Variants in LRFN3 observed in about 807,000 individuals in gnomAD.
LRFN3 encodes leucine rich repeat and fibronectin type III domain containing 3.
LRFN3 carries 8 observed loss-of-function variants against 23.8 expected under a neutral mutation model. The observed-to-expected ratio is 0.34, with a 90% CI of 0.20 to 0.61. The LOEUF (loss-of-function observed/expected upper bound fraction) is 0.61, where lower values mean the gene tolerates loss of function less well. Among genes scored for constraint, LRFN3 ranks in the 20% least tolerant of loss-of-function variants. The probability of loss-of-function intolerance (pLI) is 0.80; values close to 1 mark genes in which losing one functional copy is unlikely to be tolerated. For missense variants in LRFN3, 736 were observed against 935.3 expected (o/e 0.79, Z 2.78); for synonymous variants, 451 against 450.6 (o/e 1.00, Z -0.01).
chr19:35,941,095 A>T (rs1423306549), intron 2 of LRFN3, among the ~76,000 whole-genome samples: 1 of 152,262 alleles, frequency 6.6e-6, no homozygotes, highest in East Asian at 1.9e-4. Context: ...GAGACAGCAA[A>T]TGTTAAAATA....
chr19:35,944,601 G>A lies in LRFN3; in HGVS notation c.1469G>A (p.Arg490Gln). Residue 490 changes from arginine (R) to glutamine (Q), a missense_variant, in exon 3 of 3, where the codon CGG becomes CAG. Physicochemically the swap from Arg to Gln is conservative, Grantham distance 43 (BLOSUM62 1). Around this residue, in one of 2 missense-constraint regions of LRFN3, gnomAD observed 290 missense variants for 287.4 expected, o/e 1.01. Coordinates refer to ENST00000246529, the MANE Select transcript of LRFN3 (RefSeq NM_024509.2). This position sits in a 1 kb window ranked among gnomAD's most constrained non-coding sequence, Gnocchi z 4.5. Reference protein sequence around the residue: ...SFLLTDLASGRTYDLCVLAVY... With the variant: ...SFLLTDLASGQTYDLCVLAVY... ...CTGCTGACGGACCTGGCGTCAGGCC[G>A]GACCTACGATCTGTGCGTGCTCGCC... 1.3e-6 allele frequency: 2 copies of A among 1,502,202 alleles called. No individual in the cohort carries two copies. Among genetic ancestry groups the A allele is most frequent in the Admixed American group, 2.2e-5 (1 of 46,244 alleles). 93.1% of individuals were successfully genotyped at this position (1,502,202 alleles called of 1,614,324 possible).
chr19:35,937,031 G>A lies in LRFN3; in HGVS notation c.-541G>A, dbSNP rs1976065329. 1 of 152,210 alleles carries A rather than the reference G, an allele frequency of 6.6e-6. No individual in the cohort carries two copies. Among genetic ancestry groups the A allele is most frequent in the Admixed American group, 6.6e-5 (1 of 15,260 alleles). The allele number at this position is 152,210 out of a possible 1,614,324, so 9.4% of individuals were successfully genotyped here. A position where few individuals can be genotyped will look rare whatever the true frequency, so the allele number is the denominator to read the frequency against. On this transcript the variant is annotated 5_prime_UTR_variant, in exon 1 of 3. Transcript: ENST00000246529. ...CCTGGGACCTTGAAATCTGGGACTG[G>A]ATTTCCAGTACTGTACCCTGGAACC...
rs374263660 is a variant in LRFN3 at position 35,944,757 on chromosome 19, C to T, written c.1625C>T (p.Ala542Val). 2.5e-6 allele frequency: 4 copies of T among 1,609,370 alleles called. No homozygotes were observed. The highest frequency in any genetic ancestry group is 2.7e-5 in the African/African-American group (2 of 74,746). The change falls in exon 3 of 3, where the codon GCG becomes GTG. Residue 542 changes from alanine to valine, a missense_variant. By Grantham distance (64) the Ala-to-Val change is moderately conservative. Around this residue, in one of 2 missense-constraint regions of LRFN3, gnomAD observed 290 missense variants for 287.4 expected, o/e 1.01. Transcript: ENST00000246529. The surrounding 1 kb of genome is among the most constrained non-coding windows in gnomAD (Gnocchi z 4.5). The stretch of plus-strand genomic sequence containing the variant: ...TTCCTGGGCGGCACGATGATCATCG[C>T]GCTGGGCGGCGTCATCGTAGCCTCG... ...APFLGGTMII[A>V]LGGVIVASVL...
chr19:35,945,358 G>A lies in LRFN3; in HGVS notation c.*339G>A, dbSNP rs912349794. ...TCCATTCAGACAATAGATGTTCCCT[G>A]CGTGTCGGCTCTGAGCATGCCCTGG... On this transcript the variant is annotated 3_prime_UTR_variant, in exon 3 of 3. Coordinates refer to ENST00000246529, the MANE Select transcript of LRFN3 (RefSeq NM_024509.2). 1 of 226,356 alleles carries A rather than the reference G, an allele frequency of 4.4e-6. No homozygotes were observed. The highest frequency in any genetic ancestry group is 2.3e-5 in the African/African-American group (1 of 43,730). The allele number at this position is 226,356 out of a possible 1,614,324, so 14.0% of individuals were successfully genotyped here. A position where few individuals can be genotyped will look rare whatever the true frequency, so the allele number is the denominator to read the frequency against.
In LRFN3 at chr19:35,945,034, C is replaced by T. The variant is rs757142430; in HGVS notation, c.*15C>T. On this transcript the variant is annotated 3_prime_UTR_variant, in exon 3 of 3. Coordinates refer to ENST00000246529, the MANE Select transcript of LRFN3 (RefSeq NM_024509.2). Reference sequence around the variant, plus strand: ...TGGGACCCTAGCCAGGCGCCCCCCCCTCTAAGGGTCCTCTGGCCCCACGGA... The same window carrying T: ...TGGGACCCTAGCCAGGCGCCCCCCCTTCTAAGGGTCCTCTGGCCCCACGGA... The T allele has an allele frequency of 1.2e-5, 16 of 1,339,458 alleles. No individual in the cohort carries two copies. Among genetic ancestry groups the T allele is most frequent in the African/African-American group, 4.7e-5 (3 of 63,592 alleles). 83.0% of individuals were successfully genotyped at this position (1,339,458 alleles called of 1,614,324 possible). A position where few individuals can be genotyped will look rare whatever the true frequency, so the allele number is the denominator to read the frequency against.
intron 1 of LRFN3, among the ~76,000 whole-genome samples, chr19:35,938,525 C>G (rs902170596): frequency 1.3e-5 from 2 of 152,152 alleles, no homozygotes; most frequent in African/African-American, 4.8e-5. Context: ...GCCACCTCTC[C>G]TCTCTCACTT....
Sources: gnomAD v4.1 joint callset for allele counts (sites outside exome capture counted in the v4.1 genomes callset) on GRCh38, gnomAD v4.1.1 for gene constraint, gnomAD v4.1.1 regional missense constraint, Gnocchi (gnomAD v3.1) non-coding constraint, MANE v1.5 for transcripts, NCBI Gene and HGNC (gene_info 2026-07-23, HGNC 2026-07-21) for gene names.